PDZRN4: variants seen among roughly 807,000 people sequenced by gnomAD.
The protein encoded by PDZRN4 is PDZ domain containing ring finger 4, also known as PDZ domain-containing RING finger protein 4.
In PDZRN4, 70 loss-of-function variants were observed where a neutral mutation model predicts 99.0. The observed-to-expected ratio is 0.71, with a 90% confidence interval of 0.58 to 0.86. The LOEUF (loss-of-function observed/expected upper bound fraction) is 0.86. Ranked by LOEUF, PDZRN4 falls within the 40% of genes least tolerant of loss-of-function variation. PDZRN4 has a pLI of 0.00. For missense variants in PDZRN4, 1,474 were observed against 1,331.2 expected, an observed-to-expected ratio of 1.11 and a Z score of -1.67; for synonymous variants, 551 against 501.6, an observed-to-expected ratio of 1.10 and a Z score of -1.32.
At chr12:41,496,581 A>G (rs1348150220) in intron 3 of PDZRN4, among the ~76,000 whole-genome samples, 4 of 152,062 alleles carry the variant, frequency 2.6e-5, no homozygotes, top group African/African-American at 2.4e-5. Context: ...GGGGTTTAAG[A>G]GCAGAGCAGC....
chr12:41,320,381 C>CTA (rs1222954188), intron 3 of PDZRN4, among the ~76,000 whole-genome samples: 4 of 152,304 alleles, frequency 2.6e-5, no homozygotes, highest in Non-Finnish European at 5.9e-5. Context: ...TTCATTTTGT[C>CTA]TATCAATAAA....
At chr12:41,264,320 CATT>C (rs1358099534) in intron 3 of PDZRN4, among the ~76,000 whole-genome samples, 1 of 152,128 alleles carries the variant, frequency 6.6e-6, no homozygotes, top group African/African-American at 2.4e-5. Flanking sequence ...TTTTTAAAAT[CATT>C]ATGAATAAAG....
At chr12:41,383,665 T>G (rs1160280419) in intron 3 of PDZRN4, among the ~76,000 whole-genome samples, 2 of 152,226 alleles carry the variant, frequency 1.3e-5, no homozygotes, top group Non-Finnish European at 2.9e-5. Context: ...ATGTTTGTAT[T>G]GTAATACTTA....
At chr12:41,265,923 G>A (rs1951273279) in intron 3 of PDZRN4, among the ~76,000 whole-genome samples, 1 of 151,906 alleles carries the variant, frequency 6.6e-6, no homozygotes, top group African/African-American at 2.4e-5. Flanking sequence ...AAAATGCATA[G>A]CTGAAAATAA....
intron 3 of PDZRN4, chr12:41,459,866 C>T (rs1176960939): frequency 9.4e-7 from 1 of 1,059,988 alleles, no homozygotes; most frequent in South Asian, 1.6e-5. Flanking sequence ...ATTAAATTAA[C>T]ATTAGTTTAA....
Position 41,571,838 on chromosome 12 carries a change from T to G in PDZRN4, c.1585-526T>G, listed in dbSNP as rs114361910. ...ATGTCCTAGGCTCCAGTACATAATG[T>G]TAACTTAGTCCTAAAACTCTGTGAT... On this transcript the variant is annotated intron_variant, in intron 9 of 9. Coordinates refer to ENST00000402685, the MANE Select transcript of PDZRN4 (RefSeq NM_001164595.2). Among the ~76,000 whole-genome samples, 257 of 152,288 alleles carry G rather than the reference T, an allele frequency of 1.7e-3. 2 individuals are homozygous for G. Among genetic ancestry groups the G allele is most frequent in the African/African-American group, 5.9e-3 (244 of 41,556 alleles).
At chr12:41,382,213 G>A (rs934292240) in intron 3 of PDZRN4, among the ~76,000 whole-genome samples, 2 of 152,156 alleles carry the variant, frequency 1.3e-5, no homozygotes, top group African/African-American at 4.8e-5. Flanking sequence ...CCCCAGCCAA[G>A]TAGTGCTGCT....
chr12:41,205,251 G>A (rs1368864903), intron 3 of PDZRN4, among the ~76,000 whole-genome samples: 1 of 151,808 alleles, frequency 6.6e-6, no homozygotes, highest in African/African-American at 2.4e-5. Context: ...TCGTGACCTA[G>A]CACTGGTCTT....
chr12:41,324,766 A>G (rs1246221161), intron 3 of PDZRN4, among the ~76,000 whole-genome samples: 4 of 152,152 alleles, frequency 2.6e-5, no homozygotes, highest in African/African-American at 9.6e-5. Flanking sequence ...ACAAGTGTGA[A>G]TTGAAAAGTG....
At chr12:41,502,873 T>C (rs1938135232) in intron 3 of PDZRN4, among the ~76,000 whole-genome samples, 1 of 152,148 alleles carries the variant, frequency 6.6e-6, no homozygotes, top group African/African-American at 2.4e-5. Context: ...ATATCTGTTA[T>C]TGGTTTAAAA....
At chr12:41,300,703 C>T (rs529904809) in intron 3 of PDZRN4, among the ~76,000 whole-genome samples, 1 of 151,996 alleles carries the variant, frequency 6.6e-6, no homozygotes, top group South Asian at 2.1e-4. Flanking sequence ...TCAAATATCC[C>T]TAGGGCCTTT....
intron 5 of PDZRN4, among the ~76,000 whole-genome samples, chr12:41,543,996 A>G (rs1270541137): frequency 6.6e-6 from 1 of 152,220 alleles, no homozygotes; most frequent in Non-Finnish European, 1.5e-5. Flanking sequence ...TATTTCCAAA[A>G]AAACCATGAA....
intron 3 of PDZRN4, among the ~76,000 whole-genome samples, chr12:41,237,784 G>T (rs546289896): frequency 6.6e-6 from 1 of 152,034 alleles, no homozygotes; most frequent in African/African-American, 2.4e-5. Context: ...TTGTAGGTGC[G>T]TGGTCTTATT....
At chr12:41,517,902 C>T (rs1056962085) in intron 5 of PDZRN4, among the ~76,000 whole-genome samples, 4 of 152,066 alleles carry the variant, frequency 2.6e-5, no homozygotes, top group African/African-American at 7.2e-5. Flanking sequence ...TCCGTATTAT[C>T]TCTGACTTTA....
At chr12:41,504,098 G>A (rs967732059) in intron 3 of PDZRN4, among the ~76,000 whole-genome samples, 1 of 151,836 alleles carries the variant, frequency 6.6e-6, no homozygotes, top group African/African-American at 2.4e-5. Flanking sequence ...GTGAAACCCC[G>A]TCTCTACTAA....
chr12:41,214,556 G>A (rs1228019282), intron 3 of PDZRN4, among the ~76,000 whole-genome samples: 1 of 151,326 alleles, frequency 6.6e-6, no homozygotes, highest in African/African-American at 2.4e-5. Flanking sequence ...GGTAAAAGAT[G>A]AAAGAAAGGG....
At chr12:41,424,039 C>T (rs1046269714) in intron 3 of PDZRN4, among the ~76,000 whole-genome samples, 17 of 152,154 alleles carry the variant, frequency 1.1e-4, no homozygotes, top group African/African-American at 4.1e-4. Flanking sequence ...GGAAGTTCCT[C>T]ATGTTTTGGA....
chr12:41,419,612 A>C (rs142610728), intron 3 of PDZRN4, among the ~76,000 whole-genome samples: 179 of 152,320 alleles, frequency 1.2e-3, no homozygotes, highest in African/African-American at 4.2e-3. Context: ...CTAGTATTAC[A>C]GAGTAAACCT....
intron 3 of PDZRN4, among the ~76,000 whole-genome samples, chr12:41,323,214 T>A (rs1951691275): frequency 6.6e-6 from 1 of 152,188 alleles, no homozygotes; most frequent in Non-Finnish European, 1.5e-5. Flanking sequence ...ACAGGAGGAC[T>A]ATGCTGGAAC....
Sources: gnomAD v4.1 joint callset for allele counts (sites outside exome capture counted in the v4.1 genomes callset) on GRCh38, gnomAD v4.1.1 for gene constraint, MANE v1.5 for transcripts, NCBI Gene and HGNC (gene_info 2026-07-23, HGNC 2026-07-21) for gene names.